Variants in PICALM observed in about 807,000 individuals in gnomAD.
The protein encoded by PICALM is phosphatidylinositol binding clathrin assembly protein.
A neutral mutation model predicts 80.5 loss-of-function variants in PICALM; 40 were observed. The observed-to-expected ratio is 0.50, with a 90% CI of 0.39 to 0.65. The LOEUF is 0.65. Among genes scored for constraint, PICALM ranks in the 30% least tolerant of loss-of-function variants. The pLI is 0.00. For missense variants in PICALM, 676 were observed against 778.9 expected (o/e 0.87, Z 1.57); for synonymous variants, 288 against 260.3 (o/e 1.11, Z -1.02).
intron 6 of PICALM, among the ~76,000 whole-genome samples, chr11:86,011,862 T>TTTC (rs1452015206): frequency 2.0e-5 from 3 of 151,412 alleles, no homozygotes; most frequent in Non-Finnish European, 2.9e-5. Flanking sequence ...TTTTTTTTTT[T>TTTC]TTTTTGAAAC....
Position 86,057,094 on chromosome 11 carries a change from T to C in PICALM, c.130+11557A>G, listed in dbSNP as rs193151405. 1.1e-4 allele frequency among the ~76,000 whole-genome samples: 17 copies of C among 152,290 alleles called. No homozygotes were observed. In the East Asian group the frequency reaches 2.5e-3, roughly 22 times the overall value. On this transcript the variant is annotated intron_variant, in intron 1 of 19. Transcript: ENST00000393346. ...TTCTAGAATTACATAATGGGGATGG[T>C]TGCACACAACACTGTGAACATACTA... is the stretch of plus-strand genomic sequence containing the variant.
chr11:85,982,429 T>TA (rs1218366407), intron 14 of PICALM, among the ~76,000 whole-genome samples: 1 of 109,092 alleles, frequency 9.2e-6, no homozygotes, highest in African/African-American at 3.8e-5. Context: ...TAGACTTTTT[T>TA]TTTTTTTTTG....
chr11:86,041,767 C>G (rs540255339), intron 1 of PICALM, among the ~76,000 whole-genome samples: 5 of 152,150 alleles, frequency 3.3e-5, no homozygotes, highest in Non-Finnish European at 7.4e-5. Context: ...TTTTTCAGAT[C>G]AGTCTAATCT....
intron 3 of PICALM, 63 bp downstream of exon 3, chr11:86,026,229 C>A (rs1233374850): frequency 2.3e-6 from 2 of 873,650 alleles, no homozygotes; most frequent in East Asian, 2.5e-5. Flanking sequence ...GAGTTCTACT[C>A]TGGAGTAATC....
At chr11:86,059,102 T>C (rs1446479718) in intron 1 of PICALM, among the ~76,000 whole-genome samples, 1 of 152,252 alleles carries the variant, frequency 6.6e-6, no homozygotes, top group Non-Finnish European at 1.5e-5. Context: ...TGACTCTATA[T>C]ATAAATTTGT....
chr11:86,008,952 C>CAAAAAAAAAAAAAAAGAA (rs2095336044), intron 7 of PICALM, among the ~76,000 whole-genome samples: 1 of 62,836 alleles, frequency 1.6e-5, no homozygotes. Context: ...AAAAAAAAGC[C>CAAAAAAAAAAAAAAAGAA]AAAAAAAAAA....
chr11:86,009,751 C>CTTTT (rs2095359122), intron 7 of PICALM, among the ~76,000 whole-genome samples: 1 of 152,026 alleles, frequency 6.6e-6, no homozygotes, highest in Non-Finnish European at 1.5e-5. Context: ...ATGCAAAGAA[C>CTTTT]ATAAAAGGCC....
At chr11:86,028,024 TGTAAATAATTTC>T (rs984009231) in intron 2 of PICALM, among the ~76,000 whole-genome samples, 16 of 152,362 alleles carry the variant, frequency 1.1e-4, no homozygotes, top group African/African-American at 3.4e-4. Context: ...TCTAAATTAA[TGTAAATAATTTC>T]GTCTACCAGG....
chr11:85,971,687 G>A (rs2094116534), intron 19 of PICALM, among the ~76,000 whole-genome samples: 2 of 150,450 alleles, frequency 1.3e-5, no homozygotes, highest in African/African-American at 4.9e-5. Flanking sequence ...AGTGAGCCGA[G>A]ATCGCACCAC....
intron 19 of PICALM, among the ~76,000 whole-genome samples, chr11:85,960,302 A>G (rs1361281646): frequency 6.6e-6 from 1 of 152,230 alleles, no homozygotes; most frequent in Non-Finnish European, 1.5e-5. Flanking sequence ...GGGCTAGAGC[A>G]TCAAGAAGAA....
In PICALM at chr11:85,974,776, G is replaced by A. The variant is rs1565241730; in HGVS notation, c.1876C>T (p.Pro626Ser). 6.2e-7 allele frequency: 1 copy of A among 1,613,854 alleles called. No individual in the cohort carries two copies. Among genetic ancestry groups the A allele is most frequent in the Admixed American group, 1.7e-5 (1 of 60,016 alleles). ...ACAGGCTGGCTGTATATTAAGGTTG[G>A]TTGCGTCATTACAGGAACACTTCCC... ...QMGSVPVMTQPTLIYSQPVMR... is the reference protein window; with the variant it reads ...QMGSVPVMTQSTLIYSQPVMR... The change falls in exon 19 of 20, where the codon CCA becomes TCA. Residue 626 changes from proline to serine, a missense_variant. By Grantham distance (74) the Pro-to-Ser change is moderately conservative. Transcript: ENST00000393346.
intron 13 of PICALM, 83 bp from the exon 14 acceptor site, chr11:85,984,056 G>A (rs767380588): frequency 7.7e-6 from 5 of 647,624 alleles, no homozygotes; most frequent in Non-Finnish European, 1.4e-5. Context: ...CAATAGAATG[G>A]AAAATGCACT....
chr11:85,985,145 C>T lies in PICALM; in HGVS notation c.1409-1172G>A, dbSNP rs555667782. On this transcript the variant is annotated intron_variant, in intron 13 of 19. Transcript: ENST00000393346. ...GGTGTCCTAAATTTAGGATCCCTTTCTTCCCCTCCTCTATTCAGGTCAGAA... is the reference window on the plus strand; with the variant it reads ...GGTGTCCTAAATTTAGGATCCCTTTTTTCCCCTCCTCTATTCAGGTCAGAA... 3.3e-4 allele frequency among the ~76,000 whole-genome samples: 50 copies of T among 152,262 alleles called. 1 individual carries two copies. The highest frequency in any genetic ancestry group is 1.1e-3 in the African/African-American group (44 of 41,562).
chr11:85,972,409 A>G (rs1029037197), intron 19 of PICALM, among the ~76,000 whole-genome samples: 7 of 152,200 alleles, frequency 4.6e-5, no homozygotes, highest in African/African-American at 1.7e-4. Flanking sequence ...ACCTGGGGAT[A>G]AGTTGATTTC....
At chr11:85,964,334 TTC>T (rs1417008990) in intron 19 of PICALM, among the ~76,000 whole-genome samples, 3 of 152,242 alleles carry the variant, frequency 2.0e-5, no homozygotes, top group Non-Finnish European at 4.4e-5. Flanking sequence ...TAGAGATTCA[TTC>T]TGTCTCATTG....
chr11:86,003,434 A>G lies in PICALM; in HGVS notation c.825T>C (p.Leu275=). 1 of 1,598,360 alleles carries G rather than the reference A, an allele frequency of 6.3e-7. No homozygotes were observed. The highest frequency in any genetic ancestry group is 8.6e-7 in the Non-Finnish European group (1 of 1,168,452). Reference sequence around the variant, plus strand: ...AAGCTAAATGTTGTTCCAAAGCATCAAGAAGACTGCTAGGGGCCTGCAATT... The same window carrying G: ...AAGCTAAATGTTGTTCCAAAGCATCGAGAAGACTGCTAGGGGCCTGCAATT... ...PDLSQAPSSL[L]DALEQHLASL... is the part of the protein sequence containing the mutation. The change falls in exon 9 of 20, where the codon CTT becomes CTC. Residue 275 remains leucine, a synonymous_variant. Transcript: ENST00000393346.
At position 86,035,485 on chromosome 11, in the gene PICALM, T is replaced by G. The variant is rs551928422; in HGVS notation, c.131-3874A>C. On this transcript the variant is annotated intron_variant, in intron 1 of 19. Transcript: ENST00000393346. ...AAGCCTGGCCTAAACCAGTATTTGT[T>G]TGTTTGTTTTTAAATCAACATACCA... 1.8e-4 allele frequency among the ~76,000 whole-genome samples: 28 copies of G among 152,338 alleles called. 1 individual carries two copies. The South Asian group carries it at 5.6e-3, about 30-fold the overall frequency.
chr11:86,012,746 A>G (rs1470636134), intron 5 of PICALM, among the ~76,000 whole-genome samples: 1 of 152,160 alleles, frequency 6.6e-6, no homozygotes, highest in Non-Finnish European at 1.5e-5. Context: ...AGAAAAACTA[A>G]GCACAAAATT....
chr11:86,023,851 G>C (rs1167498509), intron 3 of PICALM, among the ~76,000 whole-genome samples: 1 of 152,180 alleles, frequency 6.6e-6, no homozygotes, highest in Non-Finnish European at 1.5e-5. Flanking sequence ...AAAGAGGCCA[G>C]GTGTGGTGGC....
Sources: allele counts gnomAD v4.1 joint callset (sites outside exome capture counted in the v4.1 genomes callset), GRCh38; gene constraint gnomAD v4.1.1; transcripts MANE v1.5; gene names NCBI Gene and HGNC (gene_info 2026-07-23, HGNC 2026-07-21).